The following NSF variants were observed in gnomAD, a reference collection of about 807,000 sequenced individuals.
The protein encoded by NSF is N-ethylmaleimide sensitive factor, vesicle fusing ATPase, also known as vesicle-fusing ATPase.
A neutral mutation model predicts 50.3 loss-of-function variants in NSF; 14 were observed. The ratio of observed to expected loss-of-function variants is 0.28; its 90% CI spans 0.18 to 0.44. The LOEUF (loss-of-function observed/expected upper bound fraction) is 0.44. Among genes scored for constraint, NSF ranks in the 20% least tolerant of loss-of-function variants. NSF has a pLI of 1.00. For synonymous variants in NSF, 109 were observed against 175.7 expected (o/e 0.62, Z 3.00); for missense variants, 218 against 504.3 (o/e 0.43, Z 5.44).
At chr17:46,750,990 T>G (rs2059176971) in intron 18 of NSF, among the ~76,000 whole-genome samples, 1 of 152,180 alleles carries the variant, frequency 6.6e-6, no homozygotes, top group Non-Finnish European at 1.5e-5. Flanking sequence ...ACAAGTAACT[T>G]GGTGAGCTCT....
At chr17:46,685,226 T>C (rs931308611) in intron 9 of NSF, among the ~76,000 whole-genome samples, 3 of 146,964 alleles carry the variant, frequency 2.0e-5, no homozygotes, top group East Asian at 2.2e-4. Flanking sequence ...CATGGCTGCA[T>C]AGGTAACTTT....
intron 17 of NSF, among the ~76,000 whole-genome samples, chr17:46,731,630 C>T (rs768173929): frequency 5.9e-5 from 9 of 152,070 alleles, no homozygotes; most frequent in Middle Eastern, 3.4e-3. Flanking sequence ...GGAATTGGAT[C>T]ATTTAAAAAG....
At chr17:46,690,642 T>C (rs1035303764) in intron 9 of NSF, among the ~76,000 whole-genome samples, 3 of 129,366 alleles carry the variant, frequency 2.3e-5, no homozygotes, top group Non-Finnish European at 3.2e-5. Flanking sequence ...TATATATATA[T>C]TGTATAGGGA....
intron 17 of NSF, among the ~76,000 whole-genome samples, chr17:46,745,385 G>T (rs886104417): frequency 6.6e-6 from 1 of 152,194 alleles, no homozygotes; most frequent in Non-Finnish European, 1.5e-5. Flanking sequence ...ACTTGCCTGG[G>T]TCATGACCTC....
intron 17 of NSF, among the ~76,000 whole-genome samples, chr17:46,730,637 T>C (rs762385831): frequency 6.6e-6 from 1 of 152,236 alleles, no homozygotes; most frequent in African/African-American, 2.4e-5. Flanking sequence ...GGCTTATACG[T>C]ACATGCTTCA....
intron 13 of NSF, among the ~76,000 whole-genome samples, chr17:46,709,785 G>A (rs2058700644): frequency 6.6e-6 from 1 of 152,160 alleles, no homozygotes; most frequent in African/African-American, 2.4e-5. Flanking sequence ...TTGAGTCACT[G>A]CGCCCGGCCA....
rs1245175139 is a variant in NSF, at chr17:46,619,788, A to AC, written c.13-4456_13-4455insC. ...CTCCATCTAAAAAAAAAAAAAAAAA[A>AC]AAAAAAAACCCAGAAAGTAAAGTGG... On this transcript the variant is annotated intron_variant, in intron 1 of 20. Coordinates refer to ENST00000398238, the MANE Select transcript of NSF (RefSeq NM_006178.4). 9.9e-4 allele frequency among the ~76,000 whole-genome samples: 87 copies of AC among 88,128 alleles called. 3 individuals carry two copies. Among genetic ancestry groups the AC allele is most frequent in the East Asian group, 5.6e-4 (1 of 1,782 alleles). 57.8% of individuals were successfully genotyped at this position (88,128 alleles called of 152,430 possible).
intron 4 of NSF, among the ~76,000 whole-genome samples, chr17:46,631,077 C>T (rs1279394412): frequency 6.9e-6 from 1 of 144,856 alleles, no homozygotes; most frequent in Non-Finnish European, 1.5e-5. Context: ...CACACACACA[C>T]ACACACACAC....
chr17:46,661,578 ATTGT>A (rs1222764254), intron 8 of NSF, among the ~76,000 whole-genome samples: 1 of 41,544 alleles, frequency 2.4e-5, no homozygotes, highest in African/African-American at 1.0e-4. Context: ...TGTTTGTTTG[ATTGT>A]TTGTTTGTTT....
chr17:46,703,687 A>AAC (rs2058629302), intron 12 of NSF, among the ~76,000 whole-genome samples: 1 of 149,860 alleles, frequency 6.7e-6, no homozygotes, highest in African/African-American at 2.5e-5. Flanking sequence ...TCTCAAAAAA[A>AAC]AAAAAAAAAA....
chr17:46,722,153 G>C (rs530547231), intron 15 of NSF: 5 of 1,611,756 alleles, frequency 3.1e-6, no homozygotes, highest in Admixed American at 3.3e-5. Flanking sequence ...CGATCTTGGC[G>C]CTCGAACTGA....
chr17:46,714,827 C>T (rs1306066417), intron 15 of NSF, among the ~76,000 whole-genome samples: 3 of 151,858 alleles, frequency 2.0e-5, no homozygotes, highest in East Asian at 1.9e-4. Flanking sequence ...ATGAACTGAC[C>T]GTAAGTCCAA....
intron 15 of NSF, among the ~76,000 whole-genome samples, chr17:46,714,940 G>A (rs1023926688): frequency 3.3e-5 from 5 of 152,158 alleles, no homozygotes; most frequent in East Asian, 1.9e-4. Context: ...TTAGGCATTC[G>A]CTTTATAAAG....
intron 20 of NSF, 155 bp downstream of exon 20, chr17:46,755,524 G>C (rs766625904): frequency 1.0e-4 from 76 of 743,204 alleles, no homozygotes; most frequent in Non-Finnish European, 1.1e-4. Flanking sequence ...CAAGGAAGTT[G>C]GTTGTACTGT....
In NSF at chr17:46,694,579, G is replaced by A. The variant is rs373218599; in HGVS notation, c.1291G>A (p.Val431Met). The A allele has an allele frequency of 6.9e-4, 988 of 1,434,514 alleles. 3 individuals carry two copies. The highest frequency in any genetic ancestry group is 1.7e-3 in the Middle Eastern group (9 of 5,320). 88.9% of individuals were successfully genotyped at this position (1,434,514 alleles called of 1,614,324 possible). A position where few individuals can be genotyped will look rare whatever the true frequency, so the allele number is the denominator to read the frequency against. Residue 431 changes from valine (V) to methionine (M), a missense_variant, in exon 12 of 21, where the codon GTG becomes ATG. Transcript: ENST00000398238. ...SADVDIKELA[V>M]ETKNFSGAEL... ...TGATGTAGACATTAAAGAACTGGCC[G>A]TGGAGACCAAGAATTTCAGTGGTGC...
intron 17 of NSF, among the ~76,000 whole-genome samples, chr17:46,741,012 T>G (rs1410258671): frequency 1.3e-5 from 2 of 152,310 alleles, no homozygotes; most frequent in East Asian, 3.8e-4. Flanking sequence ...GATCAGCCAT[T>G]GCTGATATGG....
At chr17:46,722,241 C>T in intron 15 of NSF, 1 of 1,218,762 alleles carries the variant, frequency 8.2e-7, no homozygotes, top group Non-Finnish European at 1.2e-6. Flanking sequence ...GTCAAAATCC[C>T]TACATTCTTA....
At chr17:46,710,612 T>A (rs2058710323) in intron 13 of NSF, among the ~76,000 whole-genome samples, 1 of 152,198 alleles carries the variant, frequency 6.6e-6, no homozygotes, top group Non-Finnish European at 1.5e-5. Flanking sequence ...GTCCATAATC[T>A]CTTTTTTCCT....
chr17:46,720,198 GT>G (rs1009693359), intron 15 of NSF, among the ~76,000 whole-genome samples: 1 of 152,184 alleles, frequency 6.6e-6, no homozygotes, highest in African/African-American at 2.4e-5. Flanking sequence ...ATTTGTTGAA[GT>G]TTTTGCATAT....
Sources: gnomAD v4.1 joint callset for allele counts (sites outside exome capture counted in the v4.1 genomes callset) on GRCh38, gnomAD v4.1.1 for gene constraint, MANE v1.5 for transcripts, NCBI Gene and HGNC (gene_info 2026-07-23, HGNC 2026-07-21) for gene names.